THSD4: variants seen among roughly 807,000 people sequenced by gnomAD.
THSD4 encodes the protein thrombospondin type-1 domain-containing protein 4.
Under a neutral mutation model 119.0 loss-of-function variants are expected in THSD4, and 69 were observed. That is an observed-to-expected ratio of 0.58 (90% CI 0.48 to 0.71). The LOEUF (loss-of-function observed/expected upper bound fraction) is 0.71, where lower values mean the gene tolerates loss of function less well. Ranked by LOEUF, THSD4 falls within the 30% of genes least tolerant of loss-of-function variation. THSD4 has a pLI of 0.00. For synonymous variants in THSD4, 524 were observed against 540.4 expected, an observed-to-expected ratio of 0.97 and a Z score of 0.42; for missense variants, 1,393 against 1,391.1, an observed-to-expected ratio of 1.00 and a Z score of -0.02.
At position 71,399,952 on chromosome 15, in the gene THSD4, AT is replaced by A. The variant is rs564191084; in HGVS notation, c.1016-11727del. Among the ~76,000 whole-genome samples the A allele has an allele frequency of 9.9e-5, 15 of 152,174 alleles. No individual in the cohort carries two copies. The South Asian group carries it at 1.7e-3, about 17-fold the overall frequency. ...CTATTGATAGAAAATTGAGCCAATG[AT>A]TTTTTTTCAGGGTTTAAAAGGGATG... On this transcript the variant is annotated intron_variant, in intron 6 of 17. Transcript: ENST00000261862.
At chr15:71,412,864 T>C (rs2046708476) in intron 7 of THSD4, among the ~76,000 whole-genome samples, 1 of 152,182 alleles carries the variant, frequency 6.6e-6, no homozygotes, top group Admixed American at 6.5e-5. Context: ...TGGATGTATA[T>C]ATTTATGAGG....
intron 6 of THSD4, among the ~76,000 whole-genome samples, chr15:71,350,843 C>A (rs537883059): frequency 3.0e-4 from 45 of 152,292 alleles, no homozygotes; most frequent in Admixed American, 2.7e-3. Context: ...TCCAGGCAAA[C>A]CACGTGGCCA....
chr15:71,377,933 T>A (rs2046171806), intron 6 of THSD4, among the ~76,000 whole-genome samples: 1 of 112,354 alleles, frequency 8.9e-6, no homozygotes, highest in Non-Finnish European at 1.9e-5. Flanking sequence ...CAGTGACTCT[T>A]CTGAAAGCCA....
chr15:71,613,366 T>G (rs936167496), intron 7 of THSD4, among the ~76,000 whole-genome samples: 3 of 152,166 alleles, frequency 2.0e-5, no homozygotes, highest in Non-Finnish European at 4.4e-5. Flanking sequence ...CATTGTTTGT[T>G]TTTTCAATTT....
chr15:71,704,661 T>C (rs1478412212), intron 8 of THSD4, among the ~76,000 whole-genome samples: 1 of 152,212 alleles, frequency 6.6e-6, no homozygotes, highest in African/African-American at 2.4e-5. Flanking sequence ...GCTAAGTATT[T>C]ATTCAGTTAT....
rs750180360 is a variant in THSD4 at position 71,746,954 on chromosome 15, G to A, written c.2153G>A (p.Arg718His). 57 of 1,613,608 alleles carry A rather than the reference G, an allele frequency of 3.5e-5. No homozygotes were observed. The highest frequency in any genetic ancestry group is 2.8e-4 in the African/African-American group (21 of 74,920). ...CGCAGCCTGACGGTGCAGCCCTACC[G>A]CTGCCAGCACCTGGAGAAACCTGAG... ...ANRSLTVQPYRCQHLEKPETT... is the reference protein window; with the variant it reads ...ANRSLTVQPYHCQHLEKPETT... The change falls in exon 13 of 18, where the codon CGC becomes CAC. Residue 718 changes from arginine (R) to histidine (H), a missense_variant. Transcript: ENST00000261862.
chr15:71,219,484 A>G (rs1425147135), intron 4 of THSD4, among the ~76,000 whole-genome samples: 1 of 152,246 alleles, frequency 6.6e-6, no homozygotes. Context: ...ACCATCTCCC[A>G]TGCCTAATGG....
At chr15:71,733,535 A>G (rs1377918974) in intron 10 of THSD4, 2 of 152,188 alleles carry the variant, frequency 1.3e-5, no homozygotes, top group Non-Finnish European at 2.9e-5. Context: ...ATTTATGTCA[A>G]CATGCCTGGT....
At chr15:71,459,358 CTCTCTG>C (rs1329172109) in intron 7 of THSD4, among the ~76,000 whole-genome samples, 4 of 115,268 alleles carry the variant, frequency 3.5e-5, no homozygotes, top group African/African-American at 8.5e-5. Context: ...CTCTCTCTCT[CTCTCTG>C]TCTCTCTGTC....
intron 7 of THSD4, among the ~76,000 whole-genome samples, chr15:71,475,940 T>A (rs1005787547): frequency 3.3e-5 from 5 of 151,892 alleles, no homozygotes; most frequent in African/African-American, 7.3e-5. Context: ...AAAAAAAAAA[T>A]TCTTTATTTT....
At chr15:71,643,299 A>G (rs539542264) in intron 7 of THSD4, among the ~76,000 whole-genome samples, 6 of 152,322 alleles carry the variant, frequency 3.9e-5, no homozygotes, top group African/African-American at 1.4e-4. Context: ...GTTAGCATAA[A>G]TTAATTTCTT....
intron 7 of THSD4, among the ~76,000 whole-genome samples, chr15:71,643,414 G>A (rs1253623636): frequency 1.3e-5 from 2 of 151,924 alleles, no homozygotes; most frequent in Non-Finnish European, 2.9e-5. Context: ...ACCCCAGTAC[G>A]AAGCCTAGTA....
intron 7 of THSD4, among the ~76,000 whole-genome samples, chr15:71,624,785 G>T (rs144528202): frequency 6.6e-6 from 1 of 152,290 alleles, no homozygotes; most frequent in East Asian, 1.9e-4. Context: ...GACCCTGTCA[G>T]CCTTGCCTGC....
chr15:71,467,978 A>G (rs2047523877), intron 7 of THSD4, among the ~76,000 whole-genome samples: 1 of 151,684 alleles, frequency 6.6e-6, no homozygotes, highest in Non-Finnish European at 1.5e-5. Context: ...CCTCCCAAGT[A>G]ACTGGGATTA....
chr15:71,660,934 G>A (rs988824547), intron 8 of THSD4, among the ~76,000 whole-genome samples, 200 bp downstream of exon 8: 1 of 152,168 alleles, frequency 6.6e-6, no homozygotes, highest in Non-Finnish European at 1.5e-5. Context: ...AGTCCTTCTT[G>A]CAGATAAATA....
intron 7 of THSD4, among the ~76,000 whole-genome samples, chr15:71,467,573 A>G (rs973464023): frequency 5.3e-5 from 8 of 152,142 alleles, no homozygotes; most frequent in African/African-American, 1.4e-4. Flanking sequence ...TTCTCTGAGT[A>G]TAGGGAGGTC....
intron 10 of THSD4, among the ~76,000 whole-genome samples, chr15:71,734,824 A>G (rs2053050570): frequency 6.7e-6 from 1 of 148,682 alleles, no homozygotes; most frequent in South Asian, 2.1e-4. Flanking sequence ...AAAAAAGCCT[A>G]TTAAAAAAAA....
chr15:71,585,567 G>A (rs563493386), intron 7 of THSD4, among the ~76,000 whole-genome samples: 12 of 152,066 alleles, frequency 7.9e-5, no homozygotes, highest in Non-Finnish European at 1.3e-4. Flanking sequence ...GATCTCTTAA[G>A]GTTCAGTCTG....
intron 16 of THSD4, among the ~76,000 whole-genome samples, chr15:71,767,829 C>T (rs532967265): frequency 1.3e-5 from 2 of 152,244 alleles, no homozygotes; most frequent in African/African-American, 4.8e-5. Flanking sequence ...TTCTAGCAGG[C>T]AGCAAGGAAG....
Sources: allele counts gnomAD v4.1 joint callset (sites outside exome capture counted in the v4.1 genomes callset), GRCh38; gene constraint gnomAD v4.1.1; transcripts MANE v1.5; gene names NCBI Gene and HGNC (gene_info 2026-07-23, HGNC 2026-07-21).